The following CNST variants were observed in gnomAD, a reference collection of about 807,000 sequenced individuals.
The protein encoded by CNST is consortin, connexin sorting protein.
A neutral mutation model predicts 72.4 loss-of-function variants in CNST; 39 were observed. The ratio of observed to expected loss-of-function variants is 0.54; its 90% CI spans 0.42 to 0.70. CNST has a LOEUF of 0.70. Ranked by LOEUF, CNST falls within the 30% of genes least tolerant of loss-of-function variation. The pLI, the probability that CNST is intolerant of heterozygous loss-of-function variation, is 0.00. For missense variants in CNST, 871 were observed against 868.5 expected, an observed-to-expected ratio of 1.00 and a Z score of -0.04; for synonymous variants, 332 against 320.1, an observed-to-expected ratio of 1.04 and a Z score of -0.40.
At chr1:246,665,580 T>C (rs1372107525) in intron 10 of CNST, 120 bp from the exon 11 acceptor site, 1 of 774,414 alleles carries the variant, frequency 1.3e-6, no homozygotes, top group Non-Finnish European at 2.1e-6. Context: ...CTGTCAATAC[T>C]TCCTATCCGT....
intron 8 of CNST, among the ~76,000 whole-genome samples, chr1:246,642,940 G>T (rs1665817289): frequency 6.7e-6 from 1 of 148,412 alleles, no homozygotes; most frequent in Non-Finnish European, 1.5e-5. Context: ...TGCCCAGGCT[G>T]GAGTGCAGTG....
At chr1:246,652,931 G>A (rs1368670637) in intron 9 of CNST, among the ~76,000 whole-genome samples, 1 of 150,964 alleles carries the variant, frequency 6.6e-6, no homozygotes, top group Non-Finnish European at 1.5e-5. Context: ...GTGAACCTGG[G>A]AGGCGGAGCT....
rs1232775346 is a variant in CNST, at chr1:246,576,234, C to CAAAA, written c.-52+9587_-52+9590dup. 2.5e-3 allele frequency among the ~76,000 whole-genome samples: 34 copies of CAAAA among 13,724 alleles called. 8 individuals are homozygous for CAAAA. Among genetic ancestry groups the CAAAA allele is most frequent in the South Asian group, 4.6e-3 (1 of 216 alleles). 9.0% of individuals were successfully genotyped at this position (13,724 alleles called of 152,430 possible). Reference sequence around the variant, plus strand: ...TGGGCGACAGAGCCAGACTCCGTCTCAAAAAAAAAAAAAAAAAAAGAAACA... The same window carrying CAAAA: ...TGGGCGACAGAGCCAGACTCCGTCTCAAAAAAAAAAAAAAAAAAAAAAAGAAACA... On this transcript the variant is annotated intron_variant, in intron 1 of 10. Transcript: ENST00000366513.
chr1:246,628,559 A>C (rs755641858), intron 3 of CNST, among the ~76,000 whole-genome samples: 4 of 152,214 alleles, frequency 2.6e-5, no homozygotes, highest in Admixed American at 6.5e-5. Flanking sequence ...TCTTTTTTAC[A>C]CTGACTTAGT....
chr1:246,607,817 C>CAACGCTTACAATCCCAGCACTTTG (rs1662994437), intron 2 of CNST: 2 of 152,212 alleles, frequency 1.3e-5, no homozygotes, highest in East Asian at 3.9e-4. Context: ...GAGAATCTTT[C>CAACGCTTACAATCCCAGCACTTTG]AACGCTTACA....
intron 8 of CNST, among the ~76,000 whole-genome samples, chr1:246,646,567 G>T (rs1172299177): frequency 2.0e-5 from 3 of 152,046 alleles, no homozygotes; most frequent in African/African-American, 7.2e-5. Flanking sequence ...CGCAGCCTCC[G>T]CCTCCCGGGT....
chr1:246,644,902 CAGAG>C (rs565957395), intron 8 of CNST, among the ~76,000 whole-genome samples: 60 of 152,176 alleles, frequency 3.9e-4, no homozygotes, highest in Non-Finnish European at 7.1e-4. Context: ...CCCATTTTAA[CAGAG>C]GGAGGGGCAG....
intron 2 of CNST, among the ~76,000 whole-genome samples, chr1:246,601,813 T>C (rs1015464857): frequency 3.3e-5 from 5 of 151,968 alleles, no homozygotes; most frequent in Admixed American, 2.0e-4. Context: ...AATAAAATAA[T>C]AAATAAATAA....
chr1:246,629,514 A>G (rs1664644681), intron 3 of CNST, among the ~76,000 whole-genome samples: 1 of 152,214 alleles, frequency 6.6e-6, no homozygotes, highest in African/African-American at 2.4e-5. Flanking sequence ...ATCTGGTGAC[A>G]TAATAGTTAT....
intron 9 of CNST, among the ~76,000 whole-genome samples, chr1:246,653,387 T>A (rs1446399201): frequency 6.6e-6 from 1 of 152,228 alleles, no homozygotes; most frequent in Non-Finnish European, 1.5e-5. Context: ...GAAATCACAT[T>A]GGTAGCTGCT....
chr1:246,664,583 C>T lies in CNST; in HGVS notation c.1973-1117C>T, dbSNP rs141260551. 3.3e-3 allele frequency among the ~76,000 whole-genome samples: 502 copies of T among 152,248 alleles called. 2 individuals are homozygous for T. The highest frequency in any genetic ancestry group is 0.011 in the African/African-American group (466 of 41,548). ...CTGAGACTATAGGCACCTGCCACCA[C>T]GCCCAGCTGATTTTTTATATTTTTA... On this transcript the variant is annotated intron_variant, in intron 10 of 10. Coordinates refer to ENST00000366513, the MANE Select transcript of CNST (RefSeq NM_152609.3).
rs143106473 is a variant in CNST, at chr1:246,665,748, C to T, written c.2021C>T (p.Ala674Val). 5 of 1,613,570 alleles carry T rather than the reference C, an allele frequency of 3.1e-6. No individual in the cohort carries two copies. In the African/African-American group the frequency reaches 5.3e-5, roughly 17 times the overall value. ...SCILLVLLCI[A>V]TVFLSVGGTA... is the part of the protein sequence containing the mutation. ...ATTTTGCTGGTCTTGCTGTGCATAGCAACGGTTTTCCTCAGTGTTGGAGGA... is the reference window on the plus strand; with the variant it reads ...ATTTTGCTGGTCTTGCTGTGCATAGTAACGGTTTTCCTCAGTGTTGGAGGA... The change falls in exon 11 of 11, where the codon GCA (alanine) becomes GTA (valine). Residue 674 changes from alanine (A) to valine (V), a missense_variant. Coordinates refer to ENST00000366513, the MANE Select transcript of CNST (RefSeq NM_152609.3).
At chr1:246,641,461 T>TTA (rs1219178888) in intron 6 of CNST, among the ~76,000 whole-genome samples, 7 of 152,228 alleles carry the variant, frequency 4.6e-5, no homozygotes, top group Non-Finnish European at 2.9e-5. Flanking sequence ...TCGTCTTTAT[T>TTA]AGCAAAAGGT....
At chr1:246,601,795 AAAAAT>A (rs1365344384) in intron 2 of CNST, among the ~76,000 whole-genome samples, 1 of 152,202 alleles carries the variant, frequency 6.6e-6, no homozygotes, top group Admixed American at 6.5e-5. Flanking sequence ...ACTCAGTCTC[AAAAAT>A]AAAATAAAAT....
intron 8 of CNST, among the ~76,000 whole-genome samples, chr1:246,644,335 G>A (rs894015231): frequency 6.9e-6 from 1 of 144,618 alleles, no homozygotes; most frequent in Non-Finnish European, 1.5e-5. Flanking sequence ...CTTGCAGTGA[G>A]CTGAGATGGC....
At chr1:246,601,126 T>C (rs1662260178) in intron 2 of CNST, among the ~76,000 whole-genome samples, 1 of 151,376 alleles carries the variant, frequency 6.6e-6, no homozygotes. Flanking sequence ...GGCAACACAG[T>C]AGGACCTGGT....
intron 1 of CNST, among the ~76,000 whole-genome samples, chr1:246,575,355 A>G (rs1378231436): frequency 6.6e-6 from 1 of 152,238 alleles, no homozygotes; most frequent in African/African-American, 2.4e-5. Context: ...AAAAGGTGGT[A>G]TATCTGTACA....
chr1:246,580,446 T>G (rs1464687432), intron 1 of CNST, among the ~76,000 whole-genome samples: 1 of 152,122 alleles, frequency 6.6e-6, no homozygotes, highest in Non-Finnish European at 1.5e-5. Context: ...TTAATATACC[T>G]TAAAGACCAG....
At chr1:246,604,067 A>G (rs1412271269) in intron 2 of CNST, among the ~76,000 whole-genome samples, 2 of 152,168 alleles carry the variant, frequency 1.3e-5, no homozygotes, top group East Asian at 3.9e-4. Flanking sequence ...CCCCATCTCT[A>G]CTAAAACTAC....
Sources: allele counts gnomAD v4.1 joint callset (sites outside exome capture counted in the v4.1 genomes callset), GRCh38; gene constraint gnomAD v4.1.1; transcripts MANE v1.5; gene names NCBI Gene and HGNC (gene_info 2026-07-23, HGNC 2026-07-21).